Variants in PAPPA observed in about 807,000 individuals in gnomAD.
PAPPA encodes the protein pappalysin-1.
Under a neutral mutation model 164.0 loss-of-function variants are expected in PAPPA, and 60 were observed. The ratio of observed to expected loss-of-function variants is 0.37; its 90% CI spans 0.30 to 0.45. The LOEUF is 0.45. PAPPA is among the 20% of genes least tolerant of loss of function. PAPPA has a pLI of 1.00. For synonymous variants in PAPPA, 875 were observed against 814.1 expected, an observed-to-expected ratio of 1.07 and a Z score of -1.27; for missense variants, 1,782 against 2,087.3, an observed-to-expected ratio of 0.85 and a Z score of 2.85.
At chr9:116,220,170 C>A in intron 5 of PAPPA, 41 bp downstream of exon 5, 1 of 1,443,556 alleles carries the variant, frequency 6.9e-7, no homozygotes, top group Non-Finnish European at 9.5e-7. Flanking sequence ...CTCTCTCTCT[C>A]CTGCCAAGAA....
chr9:116,154,073 G>A lies in PAPPA; in HGVS notation c.-100G>A, dbSNP rs1447220976. On this transcript the variant is annotated 5_prime_UTR_variant, in exon 1 of 22. Coordinates refer to ENST00000328252, the MANE Select transcript of PAPPA (RefSeq NM_002581.5). This position sits in a 1 kb window ranked among gnomAD's most constrained non-coding sequence, Gnocchi z 5.2. ...GTGGAAAGGGGGGCTCGCCCAAGAA[G>A]GGTGAAGAAGCGAAGAAAGTCGAGG... is the stretch of plus-strand genomic sequence containing the variant. 5.1e-6 allele frequency: 6 copies of A among 1,174,520 alleles called. No individual in the cohort carries two copies. Among genetic ancestry groups the A allele is most frequent in the Non-Finnish European group, 5.3e-6 (5 of 940,572 alleles). The allele number at this position is 1,174,520 out of a possible 1,614,324, so 72.8% of individuals were successfully genotyped here. A position where few individuals can be genotyped will look rare whatever the true frequency, so the allele number is the denominator to read the frequency against.
intron 1 of PAPPA, among the ~76,000 whole-genome samples, chr9:116,157,898 C>A (rs986791861): frequency 6.6e-6 from 1 of 152,128 alleles, no homozygotes; most frequent in Non-Finnish European, 1.5e-5. Flanking sequence ...CAACTGCCCC[C>A]CCAACACCCC....
At position 116,302,966 on chromosome 9, in the gene PAPPA, T is replaced by A; in HGVS notation, c.3147+16T>A. The A allele has an allele frequency of 6.2e-7, 1 of 1,609,334 alleles. No homozygotes were observed. Among genetic ancestry groups the A allele is most frequent in the Non-Finnish European group, 8.5e-7 (1 of 1,177,194 alleles). On this transcript the variant is annotated intron_variant, in intron 10 of 21. Coordinates refer to ENST00000328252, the MANE Select transcript of PAPPA (RefSeq NM_002581.5). ...AGCATCCCAGGTAAGATCCTAACCA[T>A]GTGTGGCATTTCCTGCAGACATTCA...
chr9:116,362,289 A>G (rs1846437806), intron 17 of PAPPA, among the ~76,000 whole-genome samples: 1 of 152,074 alleles, frequency 6.6e-6, no homozygotes, highest in African/African-American at 2.4e-5. Context: ...AATCAAAACT[A>G]TAATTGGCTC....
intron 9 of PAPPA, among the ~76,000 whole-genome samples, chr9:116,282,057 C>A (rs998669283): frequency 1.3e-5 from 2 of 152,182 alleles, no homozygotes; most frequent in Non-Finnish European, 2.9e-5. Context: ...ACCTTTAGAA[C>A]AAGAAGGAGC....
At chr9:116,356,445 G>T (rs948270237) in intron 17 of PAPPA, among the ~76,000 whole-genome samples, 5 of 152,186 alleles carry the variant, frequency 3.3e-5, no homozygotes, top group African/African-American at 1.2e-4. Context: ...CTGCTTTAAG[G>T]TCACTCCAGT....
At chr9:116,231,461 A>T (rs1844590425) in intron 6 of PAPPA, among the ~76,000 whole-genome samples, 1 of 151,878 alleles carries the variant, frequency 6.6e-6, no homozygotes, top group Admixed American at 6.6e-5. Flanking sequence ...AGGAATTCTG[A>T]CTTGCCATCT....
At chr9:116,358,726 C>T (rs1214493321) in intron 17 of PAPPA, among the ~76,000 whole-genome samples, 1 of 152,186 alleles carries the variant, frequency 6.6e-6, no homozygotes, top group African/African-American at 2.4e-5. Flanking sequence ...CTCTTCCTTC[C>T]TCTTCTCTTC....
At position 116,352,828 on chromosome 9, in the gene PAPPA, C is replaced by A; in HGVS notation, c.4087C>A (p.Arg1363=). 6.2e-7 allele frequency: 1 copy of A among 1,613,856 alleles called. No homozygotes were observed. The highest frequency in any genetic ancestry group is 8.5e-7 in the Non-Finnish European group (1 of 1,179,880). ...PNADLQTARC[R]ENKHKVGSFC... ...TGCAGACCTCCAGACCGCCCGGTGC[C>A]GAGAGAATAAGCACAAGGTGGGCTC... Residue 1363 remains arginine, a synonymous_variant, in exon 16 of 22, where the codon CGA becomes AGA. Coordinates refer to ENST00000328252, the MANE Select transcript of PAPPA (RefSeq NM_002581.5).
intron 1 of PAPPA, among the ~76,000 whole-genome samples, chr9:116,172,062 T>C (rs923145368): frequency 6.6e-6 from 1 of 152,234 alleles, no homozygotes; most frequent in Admixed American, 6.5e-5. Context: ...ATATATTTAA[T>C]GCATAATATG....
intron 10 of PAPPA, among the ~76,000 whole-genome samples, chr9:116,321,619 C>T (rs1845857347): frequency 6.6e-6 from 1 of 152,120 alleles, no homozygotes; most frequent in African/African-American, 2.4e-5. Context: ...TCCTGGTTCT[C>T]CTGGTCCCTT....
intron 10 of PAPPA, among the ~76,000 whole-genome samples, chr9:116,308,904 T>G (rs1845680646): frequency 6.6e-6 from 1 of 152,076 alleles, no homozygotes; most frequent in African/African-American, 2.4e-5. Flanking sequence ...TTTCTTAAAT[T>G]TTGGAATGTC....
intron 10 of PAPPA, among the ~76,000 whole-genome samples, chr9:116,315,986 T>C (rs897473001): frequency 6.6e-6 from 1 of 152,190 alleles, no homozygotes; most frequent in Admixed American, 6.5e-5. Context: ...AGGTAACTAC[T>C]GTAATTAAGA....
chr9:116,242,586 G>GGTCA (rs1844749027), intron 7 of PAPPA, among the ~76,000 whole-genome samples: 1 of 152,192 alleles, frequency 6.6e-6, no homozygotes, highest in Admixed American at 6.5e-5. Context: ...TGGGCATTTA[G>GGTCA]GTCACTTCAC....
At chr9:116,388,318 T>C (rs1273872542) in intron 21 of PAPPA, among the ~76,000 whole-genome samples, 2 of 152,166 alleles carry the variant, frequency 1.3e-5, no homozygotes, top group African/African-American at 4.8e-5. Flanking sequence ...AAAGCAGATT[T>C]CCAGAATGGT....
chr9:116,199,690 A>T (rs141138020), intron 2 of PAPPA, among the ~76,000 whole-genome samples: 20 of 152,242 alleles, frequency 1.3e-4, no homozygotes, highest in African/African-American at 4.8e-4. Context: ...TTTGCTGTAT[A>T]TTGCTTCAGA....
intron 1 of PAPPA, among the ~76,000 whole-genome samples, chr9:116,169,014 A>G (rs116313420): frequency 3.6e-4 from 55 of 152,328 alleles, no homozygotes; most frequent in African/African-American, 1.3e-3. Context: ...AGATGGCTCC[A>G]AATAAGGAAT....
intron 17 of PAPPA, among the ~76,000 whole-genome samples, chr9:116,355,716 T>C (rs1170688007): frequency 1.3e-5 from 2 of 152,168 alleles, no homozygotes; most frequent in African/African-American, 4.8e-5. Flanking sequence ...TCCAAGTAAC[T>C]TTCATGGCCA....
chr9:116,310,860 C>T (rs1845708784), intron 10 of PAPPA, among the ~76,000 whole-genome samples: 1 of 152,094 alleles, frequency 6.6e-6, no homozygotes, highest in Admixed American at 6.6e-5. Context: ...GTTCTCTTTG[C>T]CCCCACCCCA....
Sources: allele counts gnomAD v4.1 joint callset (sites outside exome capture counted in the v4.1 genomes callset), GRCh38; gene constraint gnomAD v4.1.1; non-coding constraint Gnocchi (gnomAD v3.1); transcripts MANE v1.5; gene names NCBI Gene and HGNC (gene_info 2026-07-23, HGNC 2026-07-21).